The following NRG3 variants were observed in gnomAD, a reference collection of about 807,000 sequenced individuals.
The protein encoded by NRG3 is neuregulin 3, also known as pro-neuregulin-3, membrane-bound isoform.
In NRG3, 31 loss-of-function variants were observed where a neutral mutation model predicts 66.9. That is an observed-to-expected ratio of 0.46 (90% CI 0.35 to 0.63). The LOEUF is 0.63. NRG3 is among the 20% of genes least tolerant of loss of function. NRG3 has a pLI of 0.00. For synonymous variants in NRG3, 393 were observed against 359.4 expected (o/e 1.09, Z -1.06); for missense variants, 910 against 878.9 (o/e 1.04, Z -0.45).
At chr10:82,803,604 C>G (rs560520617) in intron 3 of NRG3, among the ~76,000 whole-genome samples, 12 of 152,144 alleles carry the variant, frequency 7.9e-5, no homozygotes, top group Non-Finnish European at 1.6e-4. Context: ...GAATCAGAAT[C>G]TCTTTGACAT....
In NRG3 at chr10:82,302,783, C is replaced by G. The variant is rs146312299; in HGVS notation, c.824-55956C>G. Among the ~76,000 whole-genome samples, 1,312 of 152,156 alleles carry G rather than the reference C, an allele frequency of 8.6e-3. 15 individuals carry two copies. Among genetic ancestry groups the G allele is most frequent in the African/African-American group, 0.029 (1,211 of 41,494 alleles). On this transcript the variant is annotated intron_variant, in intron 1 of 8. Coordinates refer to ENST00000372141, the MANE Select transcript of NRG3 (RefSeq NM_001010848.4). ...AATGTGACAAGAAAGGACGTTTGCC[C>G]CAATGTGTCTAATGCATATACACTT...
At chr10:82,116,276 A>G (rs1421390464) in intron 1 of NRG3, among the ~76,000 whole-genome samples, 2 of 152,118 alleles carry the variant, frequency 1.3e-5, no homozygotes, top group African/African-American at 4.8e-5. Context: ...AAAACCCTTA[A>G]AAGGAGGGAA....
chr10:82,391,020 T>C (rs1026149840), intron 2 of NRG3, among the ~76,000 whole-genome samples: 1 of 152,188 alleles, frequency 6.6e-6, no homozygotes, highest in Non-Finnish European at 1.5e-5. Flanking sequence ...AGATTTTGAA[T>C]AGTGTGGGTG....
intron 1 of NRG3, among the ~76,000 whole-genome samples, chr10:82,182,175 A>C (rs980492286): frequency 6.7e-6 from 1 of 150,178 alleles, no homozygotes; most frequent in African/African-American, 2.4e-5. Flanking sequence ...GCAGCAGATA[A>C]TTGTATCTTT....
chr10:82,186,751 A>G (rs2073833543), intron 1 of NRG3, among the ~76,000 whole-genome samples: 1 of 152,172 alleles, frequency 6.6e-6, no homozygotes, highest in Non-Finnish European at 1.5e-5. Flanking sequence ...ACACCGATGG[A>G]ATTTACACCT....
chr10:82,667,490 T>C (rs1040667659), intron 2 of NRG3, among the ~76,000 whole-genome samples: 3 of 152,212 alleles, frequency 2.0e-5, no homozygotes, highest in African/African-American at 7.2e-5. Flanking sequence ...AAGTAGTCTT[T>C]AGTGCGGTGC....
At chr10:82,076,739 A>G (rs932055127) in intron 1 of NRG3, among the ~76,000 whole-genome samples, 3 of 152,176 alleles carry the variant, frequency 2.0e-5, no homozygotes, top group South Asian at 2.1e-4. Context: ...ACCTTCTGCC[A>G]TAAGTGGAAA....
intron 2 of NRG3, among the ~76,000 whole-genome samples, chr10:82,703,693 T>A (rs2134314840): frequency 6.6e-6 from 1 of 152,262 alleles, no homozygotes; most frequent in African/African-American, 2.4e-5. Context: ...AATTCATAAG[T>A]TCCTGGGCTA....
chr10:82,605,443 T>C (rs1281063462), intron 2 of NRG3, among the ~76,000 whole-genome samples: 2 of 152,010 alleles, frequency 1.3e-5, no homozygotes, highest in South Asian at 4.1e-4. Context: ...TTGTTTGCGG[T>C]ATAGAATTCT....
chr10:82,478,813 A>G (rs986785088), intron 2 of NRG3, among the ~76,000 whole-genome samples: 6 of 152,366 alleles, frequency 3.9e-5, no homozygotes, highest in South Asian at 2.1e-4. Context: ...ATTAAAAACA[A>G]TAGACAAGAA....
chr10:81,926,010 G>A (rs1273097444), intron 1 of NRG3, among the ~76,000 whole-genome samples: 9 of 152,110 alleles, frequency 5.9e-5, no homozygotes, highest in Admixed American at 1.3e-4. Flanking sequence ...AAAATTGGCC[G>A]TGGCATAGAC....
At chr10:82,259,979 AAAAT>A (rs1205670094) in intron 1 of NRG3, among the ~76,000 whole-genome samples, 1 of 152,158 alleles carries the variant, frequency 6.6e-6, no homozygotes, top group Non-Finnish European at 1.5e-5. Flanking sequence ...TAAATAGATA[AAAAT>A]AAATAAATGT....
chr10:81,986,820 G>C (rs1431935951), intron 1 of NRG3, among the ~76,000 whole-genome samples: 2 of 152,062 alleles, frequency 1.3e-5, no homozygotes, highest in Non-Finnish European at 2.9e-5. Context: ...GACTACAGGT[G>C]CATGCCACCA....
intron 2 of NRG3, among the ~76,000 whole-genome samples, chr10:82,423,157 C>G (rs1482560572): frequency 2.0e-5 from 3 of 151,846 alleles, no homozygotes; most frequent in Non-Finnish European, 4.4e-5. Context: ...GATTATTTCT[C>G]TGATGTCTAA....
At chr10:82,034,484 T>G (rs533086628) in intron 1 of NRG3, among the ~76,000 whole-genome samples, 1 of 152,274 alleles carries the variant, frequency 6.6e-6, no homozygotes, top group African/African-American at 2.4e-5. Flanking sequence ...AATTTCTATA[T>G]GCATGACCTG....
At chr10:82,013,081 A>T (rs574706197) in intron 1 of NRG3, among the ~76,000 whole-genome samples, 1 of 152,180 alleles carries the variant, frequency 6.6e-6, no homozygotes, top group Non-Finnish European at 1.5e-5. Context: ...TGCTACTAAT[A>T]AAGACTTAAC....
chr10:82,338,201 G>A (rs2082490296), intron 1 of NRG3, among the ~76,000 whole-genome samples: 1 of 152,196 alleles, frequency 6.6e-6, no homozygotes. Flanking sequence ...TAAAGTTGTA[G>A]GTAGTGCACT....
At chr10:82,690,602 A>G (rs2054851757) in intron 2 of NRG3, among the ~76,000 whole-genome samples, 1 of 152,200 alleles carries the variant, frequency 6.6e-6, no homozygotes, top group Admixed American at 6.5e-5. Context: ...ATTGAGGTAT[A>G]AAAACAGAAA....
chr10:82,119,021 TTGTAA>T (rs1226097286), intron 1 of NRG3, among the ~76,000 whole-genome samples: 2 of 152,186 alleles, frequency 1.3e-5, no homozygotes, highest in African/African-American at 4.8e-5. Context: ...TTTTATTTTA[TTGTAA>T]ATTGACAACT....
Sources: gnomAD v4.1 joint callset for allele counts (sites outside exome capture counted in the v4.1 genomes callset) on GRCh38, gnomAD v4.1.1 for gene constraint, MANE v1.5 for transcripts, NCBI Gene and HGNC (gene_info 2026-07-23, HGNC 2026-07-21) for gene names.